NFAT5: variants seen among roughly 807,000 people sequenced by gnomAD.
NFAT5 encodes nuclear factor of activated T-cells 5.
Under a neutral mutation model 166.5 loss-of-function variants are expected in NFAT5, and 31 were observed. The ratio of observed to expected loss-of-function variants is 0.19; its 90% confidence interval spans 0.14 to 0.25. The LOEUF (loss-of-function observed/expected upper bound fraction) is 0.25, where lower values mean the gene tolerates loss of function less well. NFAT5 is among the 10% of genes least tolerant of loss of function. NFAT5 has a pLI of 1.00. For missense variants in NFAT5, 1,449 were observed against 1,821.8 expected, an observed-to-expected ratio of 0.80 and a Z score of 3.72; for synonymous variants, 612 against 639.7, an observed-to-expected ratio of 0.96 and a Z score of 0.65.
chr16:69,593,921 C>A (rs2032631229), intron 2 of NFAT5, among the ~76,000 whole-genome samples: 1 of 152,118 alleles, frequency 6.6e-6, no homozygotes, highest in Non-Finnish European at 1.5e-5. Flanking sequence ...TTACTCCAGG[C>A]TCCCTGGTTG....
intron 1 of NFAT5, 111 bp from the exon 2 acceptor site, chr16:69,568,364 GTGTGTGTGTGTGTATATATA>G: frequency 5.3e-6 from 2 of 374,214 alleles, no homozygotes; most frequent in Non-Finnish European, 4.8e-6. Flanking sequence ...GTGTGTGTGT[GTGTGTGTGTGTGTATATATA>G]TATATATATA....
At chr16:69,620,254 T>C (rs1267076733) in intron 2 of NFAT5, among the ~76,000 whole-genome samples, 2 of 152,226 alleles carry the variant, frequency 1.3e-5, no homozygotes, top group Non-Finnish European at 2.9e-5. Context: ...ACTTTTCTTA[T>C]ACACATATTA....
At chr16:69,599,160 G>A (rs963458757) in intron 2 of NFAT5, among the ~76,000 whole-genome samples, 2 of 152,112 alleles carry the variant, frequency 1.3e-5, no homozygotes, top group Non-Finnish European at 2.9e-5. Context: ...TTTTTGAGGT[G>A]ATGAAAATGT....
At chr16:69,681,604 T>G (rs2037060617) in intron 10 of NFAT5, among the ~76,000 whole-genome samples, 2 of 152,098 alleles carry the variant, frequency 1.3e-5, no homozygotes, top group Admixed American at 1.3e-4. Context: ...GCTCACAAAA[T>G]CTAGGATAGT....
At position 69,693,626 on chromosome 16, in the gene NFAT5, A is replaced by ACAGCAGCAGCAG; in HGVS notation, c.3807_3818dup (p.Gln1281_Gln1284dup). The ACAGCAGCAGCAG allele has an allele frequency of 1.2e-6, 2 of 1,614,010 alleles. No homozygotes were observed. The highest frequency in any genetic ancestry group is 1.3e-5 in the African/African-American group (1 of 75,032). ...TGCAGAGTAACTCTCCATCCCAGGA[A>ACAGCAGCAGCAG]CAGCAGCAGCAGCAGCAACAGCAGC... On this transcript the variant is annotated inframe_insertion, in exon 13 of 15. Transcript: ENST00000349945.
chr16:69,670,719 C>T (rs2036591115), intron 9 of NFAT5, among the ~76,000 whole-genome samples: 1 of 152,168 alleles, frequency 6.6e-6, no homozygotes, highest in Admixed American at 6.5e-5. Context: ...CAGGACCTCA[C>T]CATGTATTGT....
chr16:69,610,001 AAGAG>A (rs10599522), intron 2 of NFAT5, among the ~76,000 whole-genome samples: 6,450 of 148,040 alleles, frequency 0.044, 466 homozygotes, highest in African/African-American at 0.15. Context: ...GTGAGACAAG[AAGAG>A]AGAGAGAGAG....
chr16:69,632,941 CTTCT>C (rs2034783544), intron 3 of NFAT5, among the ~76,000 whole-genome samples: 1 of 152,124 alleles, frequency 6.6e-6, no homozygotes, highest in Non-Finnish European at 1.5e-5. Context: ...TCTACTCCTC[CTTCT>C]ATCTTATTAT....
Position 69,692,964 on chromosome 16 carries a change from A to G in NFAT5, c.3139A>G (p.Ser1047Gly). The change falls in exon 13 of 15, where the codon AGT becomes GGT. Residue 1047 changes from serine (S) to glycine (G), a missense_variant. Physicochemically the swap from Ser to Gly is moderately conservative, Grantham distance 56. Transcript: ENST00000349945. ...AGTTAACCTTTTTTCATCCACAAAA[A>G]GTATGATGAGTGTTCAGAATAGTGG... is the stretch of plus-strand genomic sequence containing the variant. ...PQVNLFSSTK[S>G]MMSVQNSGTQ... The G allele has an allele frequency of 4.3e-6, 7 of 1,614,206 alleles. No individual in the cohort carries two copies. The highest frequency in any genetic ancestry group is 5.9e-6 in the Non-Finnish European group (7 of 1,180,042).
intron 3 of NFAT5, among the ~76,000 whole-genome samples, chr16:69,634,043 C>T (rs1011761138): frequency 4.0e-5 from 6 of 151,676 alleles, no homozygotes; most frequent in African/African-American, 1.5e-4. Flanking sequence ...TTTGGGGGGC[C>T]GAGGCGGGCA....
intron 10 of NFAT5, among the ~76,000 whole-genome samples, chr16:69,684,383 A>C (rs1019235269): frequency 6.6e-6 from 1 of 150,726 alleles, no homozygotes; most frequent in African/African-American, 2.4e-5. Context: ...AGATGGTGAA[A>C]CCTTGTCTCT....
chr16:69,669,703 C>A (rs770541964), intron 7 of NFAT5, among the ~76,000 whole-genome samples: 5 of 152,182 alleles, frequency 3.3e-5, no homozygotes, highest in Non-Finnish European at 7.4e-5. Flanking sequence ...CTTACAACAA[C>A]TGAGTTGGTA....
chr16:69,642,668 T>C (rs1283427555), intron 3 of NFAT5, among the ~76,000 whole-genome samples: 4 of 151,670 alleles, frequency 2.6e-5, no homozygotes, highest in Admixed American at 2.6e-4. Context: ...AATACAAAAA[T>C]TAGCCGGACG....
Position 69,694,085 on chromosome 16 carries a change from GAAC to G in NFAT5, c.4265_4267del (p.Asn1422del), listed in dbSNP as rs1224368524. ...AACAGTCTCCTCTTTATTCCCCTCAGAACAACATGCCTGGAATTCAAGGAGCCA... is the reference window on the plus strand; with the variant it reads ...AACAGTCTCCTCTTTATTCCCCTCAGAACATGCCTGGAATTCAAGGAGCCA... On this transcript the variant is annotated inframe_deletion, in exon 13 of 15. Coordinates refer to ENST00000349945, the MANE Select transcript of NFAT5 (RefSeq NM_138713.4). 1 of 1,613,952 alleles carries G rather than the reference GAAC, an allele frequency of 6.2e-7. No individual in the cohort carries two copies. Among genetic ancestry groups the G allele is most frequent in the East Asian group, 2.2e-5 (1 of 44,878 alleles).
At chr16:69,689,282 A>T (rs2037454684) in intron 11 of NFAT5, among the ~76,000 whole-genome samples, 1 of 152,140 alleles carries the variant, frequency 6.6e-6, no homozygotes, top group Non-Finnish European at 1.5e-5. Flanking sequence ...AAATAAGATA[A>T]AATAAAATAA....
At chr16:69,633,409 G>A (rs1194422669) in intron 3 of NFAT5, among the ~76,000 whole-genome samples, 1 of 152,088 alleles carries the variant, frequency 6.6e-6, no homozygotes, top group Non-Finnish European at 1.5e-5. Context: ...CAACAAGATT[G>A]AAAATATAAG....
At chr16:69,688,589 G>A (rs1002980571) in intron 11 of NFAT5, among the ~76,000 whole-genome samples, 4 of 151,772 alleles carry the variant, frequency 2.6e-5, no homozygotes, top group South Asian at 2.1e-4. Context: ...TCAGGCTGGC[G>A]AACTCCTGAC....
intron 2 of NFAT5, among the ~76,000 whole-genome samples, chr16:69,619,776 G>C (rs1200887693): frequency 6.6e-6 from 1 of 152,182 alleles, no homozygotes; most frequent in Non-Finnish European, 1.5e-5. Flanking sequence ...TAGAGAAGGG[G>C]ATTTGGGTGA....
At position 69,677,215 on chromosome 16, in the gene NFAT5, G is replaced by A. The variant is rs1475640418; in HGVS notation, c.1570G>A (p.Val524Met). 6 of 1,603,088 alleles carry A rather than the reference G, an allele frequency of 3.7e-6. No individual in the cohort carries two copies. Among genetic ancestry groups the A allele is most frequent in the Non-Finnish European group, 5.1e-6 (6 of 1,177,340 alleles). The change falls in exon 10 of 15, where the codon GTG (valine) becomes ATG (methionine). Residue 524 changes from valine (V) to methionine (M), a missense_variant. Val to Met is a conservative substitution (Grantham distance 21). This residue lies in a region of NFAT5 where 245 missense variants were observed against 366.6 expected (regional missense o/e 0.67). Coordinates refer to ENST00000349945, the MANE Select transcript of NFAT5 (RefSeq NM_138713.4). Reference sequence around the variant, plus strand: ...TTCTTTACATTAGAATCATCTTATTGTGAAGGTTCCTCCCTATCATGACCA... The same window carrying A: ...TTCTTTACATTAGAATCATCTTATTATGAAGGTTCCTCCCTATCATGACCA... The part of the protein sequence containing the change: ...MELFHQNHLI[V>M]KVPPYHDQHI...
Sources: allele counts gnomAD v4.1 joint callset (sites outside exome capture counted in the v4.1 genomes callset), GRCh38; gene constraint gnomAD v4.1.1; regional missense constraint gnomAD v4.1.1; transcripts MANE v1.5; gene names NCBI Gene and HGNC (gene_info 2026-07-23, HGNC 2026-07-21).